The following ALDH3B2 variants were observed in gnomAD, a reference collection of about 807,000 sequenced individuals.
The protein encoded by ALDH3B2 is aldehyde dehydrogenase 3 family member B2, also known as aldehyde dehydrogenase family 3 member B2.
In ALDH3B2, 45 loss-of-function variants were observed where a neutral mutation model predicts 36.7. The observed-to-expected ratio is 1.23, with a 90% CI of 0.97 to 1.57. ALDH3B2 has a LOEUF of 1.57. Ranked by LOEUF, ALDH3B2 falls within the 40% of genes most tolerant of loss-of-function variation. The pLI is 0.00. For synonymous variants in ALDH3B2, 217 were observed against 226.5 expected, an observed-to-expected ratio of 0.96 and a Z score of 0.38; for missense variants, 464 against 513.3, an observed-to-expected ratio of 0.90 and a Z score of 0.93.
chr11:67,665,104 A>T (rs1855858973), intron 7 of ALDH3B2, among the ~76,000 whole-genome samples, 181 bp downstream of exon 7: 1 of 152,138 alleles, frequency 6.6e-6, no homozygotes, highest in African/African-American at 2.4e-5. Flanking sequence ...GTATGGCCTC[A>T]TGGGGCCACA....
chr11:67,667,447 G>T (rs999297464), intron 2 of ALDH3B2, 26 bp downstream of exon 2: 10 of 366,452 alleles, frequency 2.7e-5, no homozygotes, highest in African/African-American at 1.7e-4. Flanking sequence ...TCCAGCCCCT[G>T]CCGGGGCCCA....
intron 1 of ALDH3B2, chr11:67,671,415 AGGGCAGGGGTCCGGGCGCTTGCTG>A (rs1379438949): frequency 1.3e-5 from 2 of 152,234 alleles, no homozygotes; most frequent in Non-Finnish European, 2.9e-5. Context: ...CACCTGCTGC[AGGGCAGGGGTCCGGGCGCTTGCTG>A]GGGCAGGGCT....
At chr11:67,679,448 G>T (rs1856329172), upstream of ALDH3B2, among the ~76,000 whole-genome samples, 1 of 151,534 alleles carries the variant, frequency 6.6e-6, no homozygotes, top group Non-Finnish European at 1.5e-5. Flanking sequence ...TCCAGCCTGG[G>T]TGAAAGAGCG....
At chr11:67,680,182 T>C (rs996977694) in intron 1 of ALDH3B2, among the ~76,000 whole-genome samples, 1 of 151,786 alleles carries the variant, frequency 6.6e-6, no homozygotes, top group African/African-American at 2.4e-5. Context: ...GGCGTGGTGA[T>C]GCGCACCTGT....
At chr11:67,665,661 A>G in exon 7 of ALDH3B2, 2 of 1,608,848 alleles carry the variant, frequency 1.2e-6, no homozygotes, top group Non-Finnish European at 1.7e-6. Flanking sequence ...TCTTGCCCAC[A>G]CGAGGGCTCC....
At chr11:67,680,616 C>T (rs546876270) in intron 1 of ALDH3B2, among the ~76,000 whole-genome samples, 1 of 152,218 alleles carries the variant, frequency 6.6e-6, no homozygotes, top group African/African-American at 2.4e-5. Flanking sequence ...AGGGTTTTGC[C>T]ATGTTGCCAA....
exon 7 of ALDH3B2, chr11:67,665,609 G>A (rs764598058): frequency 6.2e-7 from 1 of 1,614,018 alleles, no homozygotes; most frequent in Non-Finnish European, 8.5e-7. Context: ...CCCAGCTCCA[G>A]GGTGACAGGC....
chr11:67,667,293 TG>T (rs1855947528), intron 2 of ALDH3B2, among the ~76,000 whole-genome samples, 179 bp downstream of exon 2: 2 of 7,046 alleles, frequency 2.8e-4, no homozygotes. Context: ...ACAGGGTGGC[TG>T]TGAGTGTTCA....
At chr11:67,664,698 C>G (rs1170233410) in intron 7 of ALDH3B2, 136 bp from the exon 8 acceptor site, 2 of 1,316,672 alleles carry the variant, frequency 1.5e-6, no homozygotes, top group Admixed American at 2.6e-5. Flanking sequence ...GCGCTTCAGG[C>G]TTTGGAGTGT....
upstream of ALDH3B2, among the ~76,000 whole-genome samples, chr11:67,679,297 G>A (rs1027675096): frequency 6.6e-6 from 1 of 151,716 alleles, no homozygotes; most frequent in Non-Finnish European, 1.5e-5. Context: ...ATGAAACCCC[G>A]TCTCTACTAA....
intron 6 of ALDH3B2, 105 bp from the exon 7 acceptor site, chr11:67,665,776 C>A: frequency 6.7e-7 from 1 of 1,481,692 alleles, no homozygotes; most frequent in Non-Finnish European, 9.0e-7. Context: ...AGTCGGCGGG[C>A]TTCCTAGGGA....
chr11:67,672,660 G>C (rs1299754678), intron 1 of ALDH3B2, among the ~76,000 whole-genome samples: 1 of 151,126 alleles, frequency 6.6e-6, no homozygotes, highest in Non-Finnish European at 1.5e-5. Context: ...CATGATCTCG[G>C]CTCACTGCAA....
chr11:67,665,248 T>C, intron 7 of ALDH3B2, 37 bp downstream of exon 7: 13 of 1,564,790 alleles, frequency 8.3e-6, no homozygotes, highest in Non-Finnish European at 1.1e-5. Flanking sequence ...GAAAGGGTCT[T>C]GGCCCAGGTG....
chr11:67,671,406 AC>A (rs1366301491), intron 1 of ALDH3B2: 8 of 152,148 alleles, frequency 5.3e-5, no homozygotes, highest in Non-Finnish European at 1.0e-4. Context: ...TGTCTCGCCC[AC>A]CTGCTGCAGG....
At chr11:67,672,103 TGTGTGTGTGTG>T (rs1565250154) in intron 1 of ALDH3B2, among the ~76,000 whole-genome samples, 3 of 7,646 alleles carry the variant, frequency 3.9e-4, no homozygotes, top group East Asian at 6.8e-3. Flanking sequence ...GTATGTATTT[TGTGTGTGTGTG>T]TGTGTGTGTG....
rs775948429 is a variant in ALDH3B2 at position 67,663,451 on chromosome 11, C to T, written c.974-52G>A. On this transcript the variant is annotated intron_variant, in intron 9 of 9. Transcript: ENST00000349015. ...TGAGACCAGGCAGCCCATGGAGCCC[C>T]AGCAGCAGCCCACTGCCCCGGCCAG... 3.8e-6 allele frequency: 6 copies of T among 1,571,308 alleles called. No individual in the cohort carries two copies. In the African/African-American group the frequency reaches 6.7e-5, roughly 18 times the overall value.
chr11:67,680,080 C>T (rs1231601689), intron 1 of ALDH3B2, among the ~76,000 whole-genome samples: 1 of 152,042 alleles, frequency 6.6e-6, no homozygotes, highest in Non-Finnish European at 1.5e-5. Flanking sequence ...CTCTGGGAGG[C>T]CGAGGTGGGT....
chr11:67,677,851 C>T (rs371189387), upstream of ALDH3B2, among the ~76,000 whole-genome samples: 143 of 151,866 alleles, frequency 9.4e-4, no homozygotes, highest in African/African-American at 3.2e-3. Flanking sequence ...ATCCCTTTGA[C>T]GATAGCAAAA....
chr11:67,679,377 A>G (rs4930475), upstream of ALDH3B2, among the ~76,000 whole-genome samples: 145,835 of 151,896 alleles, frequency 0.96, 70,293 homozygotes, highest in East Asian at 1. Context: ...AGGCTGAGGC[A>G]GGAGAATTAC....
Sources: allele counts gnomAD v4.1 joint callset (sites outside exome capture counted in the v4.1 genomes callset), GRCh38; gene constraint gnomAD v4.1.1; transcripts MANE v1.5; gene names NCBI Gene and HGNC (gene_info 2026-07-23, HGNC 2026-07-21).